Variants in SLC26A5 observed in about 807,000 individuals in gnomAD.
SLC26A5 encodes the protein prestin.
A neutral mutation model predicts 81.0 loss-of-function variants in SLC26A5; 51 were observed. The observed-to-expected ratio is 0.63, with a 90% confidence interval of 0.50 to 0.80. The LOEUF is 0.80. Among genes scored for constraint, SLC26A5 ranks in the 30% least tolerant of loss-of-function variants. The pLI, the probability that SLC26A5 is intolerant of heterozygous loss-of-function variation, is 0.00. For synonymous variants in SLC26A5, 325 were observed against 332.8 expected (o/e 0.98, Z 0.25); for missense variants, 771 against 905.8 (o/e 0.85, Z 1.91).
chr7:103,438,797 T>G (rs1826655949), intron 2 of SLC26A5, among the ~76,000 whole-genome samples: 1 of 152,206 alleles, frequency 6.6e-6, no homozygotes, highest in Admixed American at 6.6e-5. Context: ...ATCTCTGATG[T>G]GTCGGCAACT....
rs111233689 is a variant in SLC26A5 at position 103,421,751 on chromosome 7, C to T, written c.-53-184G>A. On this transcript the variant is annotated intron_variant, in intron 2 of 19. Transcript: ENST00000306312. ...ATGAAATCAAAATCAATTAAAAAAACGTGACTTATTCCCTCCCAGAGTAAT... is the reference window on the plus strand; with the variant it reads ...ATGAAATCAAAATCAATTAAAAAAATGTGACTTATTCCCTCCCAGAGTAAT... Among the ~76,000 whole-genome samples the T allele has an allele frequency of 4.7e-3, 721 of 152,140 alleles. 5 individuals carry two copies. The highest frequency in any genetic ancestry group is 0.01 in the African/African-American group (424 of 41,524).
chr7:103,374,718 G>A (rs926146593), intron 19 of SLC26A5, 126 bp from the exon 20 acceptor site: 2 of 787,088 alleles, frequency 2.5e-6, no homozygotes, highest in African/African-American at 5.7e-5. Context: ...TTTTTTTTTT[G>A]AGACAGAGTC....
intron 9 of SLC26A5, among the ~76,000 whole-genome samples, chr7:103,395,818 C>A (rs78782242): frequency 0.039 from 5,886 of 151,794 alleles, 140 homozygotes; most frequent in East Asian, 0.074. Flanking sequence ...CGTGCCCGGC[C>A]AATAATATGT....
rs1821600397 is a variant in SLC26A5, at chr7:103,379,308, A to G, written c.1612T>C (p.Phe538Leu). 6.2e-7 allele frequency: 1 copy of G among 1,609,478 alleles called. No homozygotes were observed. The highest frequency in any genetic ancestry group is 8.5e-7 in the Non-Finnish European group (1 of 1,176,078). The stretch of plus-strand genomic sequence containing the variant: ...TAGTAAATTGGTGCATTTATTTGAA[A>G]TATTTTTATTCCAGGAATTTCTTTC... ...EVKEIPGIKI[F>L]QINAPIYYAN... The change falls in exon 16 of 20, where the codon TTT (phenylalanine) becomes CTT (leucine). Residue 538 changes from phenylalanine to leucine, a missense_variant. Coordinates refer to ENST00000306312, the MANE Select transcript of SLC26A5 (RefSeq NM_198999.3).
At chr7:103,387,660 G>T (rs1031443984) in intron 14 of SLC26A5, among the ~76,000 whole-genome samples, 2 of 152,152 alleles carry the variant, frequency 1.3e-5, no homozygotes, top group African/African-American at 4.8e-5. Context: ...CCTGACTAAA[G>T]TCCAGGCTAT....
At chr7:103,366,003 G>C in intron 19 of SLC26A5, 1 of 1,193,388 alleles carries the variant, frequency 8.4e-7, no homozygotes, top group South Asian at 1.4e-5. Flanking sequence ...TGAAAAGTTT[G>C]AAGCATAACT....
chr7:103,403,200 T>A (rs1256409241), intron 8 of SLC26A5, among the ~76,000 whole-genome samples: 2 of 152,222 alleles, frequency 1.3e-5, no homozygotes, highest in East Asian at 3.8e-4. Context: ...AGTTTCTTGA[T>A]CGTGAGTTCT....
intron 2 of SLC26A5, among the ~76,000 whole-genome samples, chr7:103,425,773 T>C (rs1825672392): frequency 6.6e-6 from 1 of 152,210 alleles, no homozygotes; most frequent in African/African-American, 2.4e-5. Flanking sequence ...GCCATTTTCA[T>C]TTAGGGCATT....
At chr7:103,380,922 C>T (rs1821727116) in intron 14 of SLC26A5, among the ~76,000 whole-genome samples, 1 of 150,756 alleles carries the variant, frequency 6.6e-6, no homozygotes, top group Non-Finnish European at 1.5e-5. Context: ...ACAGAATACA[C>T]ACACATTATA....
intron 12 of SLC26A5, among the ~76,000 whole-genome samples, chr7:103,390,212 C>T (rs865900144): frequency 6.6e-6 from 1 of 152,014 alleles, no homozygotes; most frequent in Non-Finnish European, 1.5e-5. Flanking sequence ...ATAAGGAAAC[C>T]GAGACTCAGA....
At chr7:103,407,776 A>C in intron 8 of SLC26A5, 75 bp downstream of exon 8, 1 of 1,544,078 alleles carries the variant, frequency 6.5e-7, no homozygotes, top group Non-Finnish European at 8.8e-7. Context: ...CCTTTCATCC[A>C]CTTCAAAATC....
At chr7:103,376,740 G>A in intron 19 of SLC26A5, 68 bp downstream of exon 19, 1 of 1,033,420 alleles carries the variant, frequency 9.7e-7, no homozygotes, top group African/African-American at 1.6e-5. Context: ...ATTTCCAAGT[G>A]CAATTATTTA....
At chr7:103,424,578 C>T (rs538099389) in intron 2 of SLC26A5, among the ~76,000 whole-genome samples, 53 of 152,152 alleles carry the variant, frequency 3.5e-4, no homozygotes, top group Non-Finnish European at 6.2e-4. Flanking sequence ...TGTCCTAGTT[C>T]AGAAAGGTAA....
intron 2 of SLC26A5, among the ~76,000 whole-genome samples, chr7:103,438,302 G>T (rs1445905645): frequency 6.6e-6 from 1 of 151,498 alleles, no homozygotes; most frequent in Non-Finnish European, 1.5e-5. Context: ...ACATCACATT[G>T]TACCCATAAA....
chr7:103,364,206 G>A, intron 19 of SLC26A5: 1 of 1,614,176 alleles, frequency 6.2e-7, no homozygotes, highest in Non-Finnish European at 8.5e-7. Context: ...TGGTCCACCC[G>A]GTACAGGCAA....
In SLC26A5 at chr7:103,376,872, T is replaced by C; in HGVS notation, c.1987-10A>G. 1.3e-6 allele frequency: 2 copies of C among 1,576,814 alleles called. No homozygotes were observed. The highest frequency in any genetic ancestry group is 1.7e-6 in the Non-Finnish European group (2 of 1,146,734). On this transcript the variant is annotated splice_polypyrimidine_tract_variant and intron_variant, in intron 18 of 19. Coordinates refer to ENST00000306312, the MANE Select transcript of SLC26A5 (RefSeq NM_198999.3). ...CATATTCTTTTACAATCTGTAATAA[T>C]GTTGAAATAAAATTTAGTTTCTCTT...
intron 14 of SLC26A5, among the ~76,000 whole-genome samples, chr7:103,381,878 A>G (rs1217591940): frequency 6.6e-6 from 1 of 151,314 alleles, no homozygotes; most frequent in East Asian, 1.9e-4. Flanking sequence ...CACATAATAC[A>G]CATACATACA....
At chr7:103,384,798 G>A (rs750677971) in intron 14 of SLC26A5, among the ~76,000 whole-genome samples, 7 of 152,162 alleles carry the variant, frequency 4.6e-5, no homozygotes, top group Admixed American at 1.3e-4. Context: ...ATGGCATAGA[G>A]CATTGATCTT....
At chr7:103,354,462 G>A (rs1174911316) in intron 19 of SLC26A5, among the ~76,000 whole-genome samples, 1 of 150,196 alleles carries the variant, frequency 6.7e-6, no homozygotes, top group African/African-American at 2.5e-5. Context: ...TCCGCCTCCT[G>A]GGTTCAAGCG....
Sources: gnomAD v4.1 joint callset for allele counts (sites outside exome capture counted in the v4.1 genomes callset) on GRCh38, gnomAD v4.1.1 for gene constraint, MANE v1.5 for transcripts, NCBI Gene and HGNC (gene_info 2026-07-23, HGNC 2026-07-21) for gene names.